MGMT: variants seen among roughly 807,000 people sequenced by gnomAD.
MGMT encodes the protein O-6-methylguanine-DNA methyltransferase.
Under a neutral mutation model 15.9 loss-of-function variants are expected in MGMT, and 14 were observed. The ratio of observed to expected loss-of-function variants is 0.88; its 90% CI spans 0.58 to 1.37. MGMT has a LOEUF of 1.37. MGMT is among the 40% of genes most tolerant of loss of function. MGMT has a pLI of 0.00. For synonymous variants in MGMT, 130 were observed against 118.2 expected (o/e 1.10, Z -0.65); for missense variants, 282 against 268.1 (o/e 1.05, Z -0.36).
intron 3 of MGMT, among the ~76,000 whole-genome samples, chr10:129,758,426 T>G (rs947434020): frequency 1.3e-5 from 2 of 152,132 alleles, no homozygotes; most frequent in African/African-American, 4.8e-5. Flanking sequence ...CAATAGGTAC[T>G]GATTCAGACA....
At chr10:129,673,330 A>C (rs945511199) in intron 2 of MGMT, among the ~76,000 whole-genome samples, 1 of 152,194 alleles carries the variant, frequency 6.6e-6, no homozygotes, top group African/African-American at 2.4e-5. Flanking sequence ...CTAACAACAA[A>C]TCCACTTTTC....
intron 1 of MGMT, among the ~76,000 whole-genome samples, chr10:129,521,538 T>C (rs12265799): frequency 0.25 from 37,728 of 152,006 alleles, 5,605 homozygotes; most frequent in African/African-American, 0.42. Flanking sequence ...CAGCCGGGGC[T>C]AGATTCAAAC....
chr10:129,607,743 T>C (rs1846909285), intron 2 of MGMT, among the ~76,000 whole-genome samples: 1 of 152,230 alleles, frequency 6.6e-6, no homozygotes, highest in African/African-American at 2.4e-5. Flanking sequence ...CCAGTGCGAA[T>C]TTCTGATGAA....
At chr10:129,597,041 C>T (rs1846759643) in intron 2 of MGMT, among the ~76,000 whole-genome samples, 1 of 152,124 alleles carries the variant, frequency 6.6e-6, no homozygotes, top group African/African-American at 2.4e-5. Context: ...TCTGATCTTC[C>T]TCTCCTGTAG....
intron 1 of MGMT, among the ~76,000 whole-genome samples, chr10:129,520,478 C>A (rs1845791221): frequency 6.6e-6 from 1 of 152,086 alleles, no homozygotes; most frequent in Non-Finnish European, 1.5e-5. Context: ...ATGTACAGAG[C>A]CCCTATGGTG....
intron 2 of MGMT, among the ~76,000 whole-genome samples, chr10:129,669,804 T>C (rs1847701536): frequency 6.6e-6 from 1 of 152,228 alleles, no homozygotes; most frequent in Non-Finnish European, 1.5e-5. Flanking sequence ...ATGATTCAGT[T>C]GTTACTTTTC....
At chr10:129,638,153 C>T (rs1847283001) in intron 2 of MGMT, among the ~76,000 whole-genome samples, 1 of 152,080 alleles carries the variant, frequency 6.6e-6, no homozygotes, top group Non-Finnish European at 1.5e-5. Context: ...ACATGTTTCA[C>T]TTAACTTCAT....
At chr10:129,602,042 T>G (rs1204318449) in intron 2 of MGMT, among the ~76,000 whole-genome samples, 1 of 152,194 alleles carries the variant, frequency 6.6e-6, no homozygotes, top group Non-Finnish European at 1.5e-5. Flanking sequence ...TGCGAAAAGT[T>G]AAATCTCAGC....
chr10:129,759,473 TG>T (rs1848846738), intron 4 of MGMT, 132 bp downstream of exon 4: 2 of 1,369,506 alleles, frequency 1.5e-6, no homozygotes, highest in Non-Finnish European at 2.0e-6. Context: ...ATATCTGTGA[TG>T]GGGACCATTA....
intron 2 of MGMT, among the ~76,000 whole-genome samples, chr10:129,673,663 T>A (rs1847751778): frequency 6.6e-6 from 1 of 152,260 alleles, no homozygotes. Context: ...GGTTGCAAGT[T>A]CTCCTGGTCT....
At chr10:129,676,417 C>T (rs975153577) in intron 2 of MGMT, among the ~76,000 whole-genome samples, 2 of 152,146 alleles carry the variant, frequency 1.3e-5, no homozygotes, top group East Asian at 3.9e-4. Flanking sequence ...CATGGCAGAG[C>T]AAGCGCAGTG....
At chr10:129,724,960 CACCT>C (rs1848415150) in intron 3 of MGMT, among the ~76,000 whole-genome samples, 1 of 152,210 alleles carries the variant, frequency 6.6e-6, no homozygotes, top group Non-Finnish European at 1.5e-5. Context: ...TCTCAGTTTG[CACCT>C]GGAGGGCAGG....
At chr10:129,531,222 G>A (rs880300) in intron 1 of MGMT, among the ~76,000 whole-genome samples, 60,459 of 151,982 alleles carry the variant, frequency 0.4, 12,982 homozygotes, top group East Asian at 0.63. Flanking sequence ...TTTCTTCCTG[G>A]GTCTGGGGCA....
chr10:129,568,365 C>T (rs1283541170), intron 2 of MGMT, among the ~76,000 whole-genome samples: 3 of 152,200 alleles, frequency 2.0e-5, no homozygotes, highest in Non-Finnish European at 4.4e-5. Context: ...CCTGGGATTC[C>T]TCCTCGTCAG....
intron 3 of MGMT, among the ~76,000 whole-genome samples, chr10:129,715,276 C>T (rs965048519): frequency 3.3e-5 from 5 of 152,138 alleles, no homozygotes; most frequent in Non-Finnish European, 5.9e-5. Context: ...ATTAAGTCAT[C>T]GTAATTATGT....
chr10:129,580,744 T>C (rs1464692964), intron 2 of MGMT, among the ~76,000 whole-genome samples: 1 of 152,172 alleles, frequency 6.6e-6, no homozygotes, highest in East Asian at 1.9e-4. Flanking sequence ...GGATACCCCG[T>C]GACCATGGAT....
chr10:129,570,027 T>C (rs755333010), intron 2 of MGMT, among the ~76,000 whole-genome samples: 2 of 152,252 alleles, frequency 1.3e-5, no homozygotes, highest in Non-Finnish European at 2.9e-5. Flanking sequence ...ACATCTTTTG[T>C]CTGTGCGAAG....
chr10:129,553,494 C>T (rs1188621019), intron 2 of MGMT, among the ~76,000 whole-genome samples: 1 of 152,080 alleles, frequency 6.6e-6, no homozygotes, highest in Admixed American at 6.6e-5. Context: ...CCTGTGGGCC[C>T]GGGGGACACG....
chr10:129,544,179 C>T (rs571265870), intron 2 of MGMT, among the ~76,000 whole-genome samples: 1 of 152,188 alleles, frequency 6.6e-6, no homozygotes, highest in Non-Finnish European at 1.5e-5. Context: ...AGATCCTTTC[C>T]CTGTTTTCAT....
Sources: gnomAD v4.1 joint callset for allele counts (sites outside exome capture counted in the v4.1 genomes callset) on GRCh38, gnomAD v4.1.1 for gene constraint, MANE v1.5 for transcripts, NCBI Gene and HGNC (gene_info 2026-07-23, HGNC 2026-07-21) for gene names.